Variants in COL6A2 observed in about 807,000 individuals in gnomAD.
COL6A2 encodes the protein collagen alpha-2(VI) chain.
Under a neutral mutation model 124.9 loss-of-function variants are expected in COL6A2, and 90 were observed. That is an observed-to-expected ratio of 0.72 (90% CI 0.61 to 0.86). COL6A2 has a LOEUF of 0.86. Among genes scored for constraint, COL6A2 ranks in the 40% least tolerant of loss-of-function variants. The probability of loss-of-function intolerance (pLI) is 0.00; values close to 1 mark genes in which losing one functional copy is unlikely to be tolerated. For missense variants in COL6A2, 1,607 were observed against 1,502.5 expected (o/e 1.07, Z -1.15); for synonymous variants, 793 against 618.2 (o/e 1.28, Z -4.19).
At position 46,112,319 on chromosome 21, in the gene COL6A2, C is replaced by T. The variant is rs2078413332; in HGVS notation, c.456C>T (p.Gly152=). 6.2e-7 allele frequency: 1 copy of T among 1,611,908 alleles called. No homozygotes were observed. Residue 152 remains glycine, a synonymous_variant, in exon 3 of 28, where the codon GGC becomes GGT. Coordinates refer to ENST00000300527, the MANE Select transcript of COL6A2 (RefSeq NM_001849.4). The part of the protein sequence containing the change: ...TEQIRQDRSK[G]TVHFAVVITD... ...AGATCCGGCAGGACCGCAGCAAGGG[C>T]ACCGTCCACTTCGCCGTGGTCATCA... is the stretch of plus-strand genomic sequence containing the variant.
chr21:46,121,595 G>C lies in COL6A2; in HGVS notation c.1498G>C (p.Asp500His), dbSNP rs770222615. 10 of 1,612,810 alleles carry C rather than the reference G, an allele frequency of 6.2e-6. No homozygotes were observed. In the Middle Eastern group the frequency reaches 5.0e-4, roughly 80 times the overall value. The change falls in exon 18 of 28, where the codon GAC becomes CAC. Residue 500 changes from aspartate (D) to histidine (H), a missense_variant. By Grantham distance (81) the Asp-to-His change is moderately conservative. This residue lies in a region of COL6A2 where 1,223 missense variants were observed against 1,052.2 expected (regional missense o/e 1.16). Coordinates refer to ENST00000300527, the MANE Select transcript of COL6A2 (RefSeq NM_001849.4). ...CCCCGGTGATGCAGGACCCCGTGGA[G>C]ACTCAGGACAGCCAGGCCCCAAGGT... The part of the protein sequence containing the change: ...GDPGDAGPRG[D>H]SGQPGPKGDP...
At chr21:46,110,613 C>T (rs142949480) in intron 1 of COL6A2, among the ~76,000 whole-genome samples, 37 of 152,286 alleles carry the variant, frequency 2.4e-4, no homozygotes, top group African/African-American at 7.0e-4. Context: ...CTCCTGGCAG[C>T]GCCTCCCCTA....
chr21:46,118,985 A>G (rs753401753), intron 13 of COL6A2, 45 bp from the exon 14 acceptor site: 1 of 1,443,684 alleles, frequency 6.9e-7, no homozygotes, highest in South Asian at 1.1e-5. Flanking sequence ...ACCATGCCTC[A>G]GGGCCCCTGC....
Position 46,125,494 on chromosome 21 carries a change from G to T in COL6A2, c.1846G>T (p.Val616Leu), listed in dbSNP as rs746193653. Residue 616 changes from valine to leucine, a missense_variant, in exon 25 of 28, where the codon GTG (valine) becomes TTG (leucine). Coordinates refer to ENST00000300527, the MANE Select transcript of COL6A2 (RefSeq NM_001849.4). The part of the protein sequence containing the change: ...DCEKRCGALD[V>L]VFVIDSSESI... The stretch of plus-strand genomic sequence containing the variant: ...TGAGAAGCGCTGTGGCGCCCTGGAC[G>T]TGGTCTTCGTCATCGACAGCTCCGA... 6.2e-7 allele frequency: 1 copy of T among 1,612,990 alleles called. No individual in the cohort carries two copies. The highest frequency in any genetic ancestry group is 1.1e-5 in the South Asian group (1 of 91,090).
intron 1 of COL6A2, among the ~76,000 whole-genome samples, chr21:46,110,170 C>A (rs2078379701): frequency 6.6e-6 from 1 of 152,326 alleles, no homozygotes; most frequent in South Asian, 2.1e-4. Context: ...CGGCCCGGCC[C>A]CATGGCAGCG....
At position 46,131,934 on chromosome 21, in the gene COL6A2, G is replaced by A. The variant is rs559932204; in HGVS notation, c.2462-20G>A. ...TGCCCACCTCCCCTCCGCCCAGCCC[G>A]CACCTGCGTCTCCCCACAGAGCTGT... On this transcript the variant is annotated intron_variant, in intron 27 of 27. Coordinates refer to ENST00000300527, the MANE Select transcript of COL6A2 (RefSeq NM_001849.4). 6.7e-5 allele frequency: 105 copies of A among 1,575,248 alleles called. No individual in the cohort carries two copies. The highest frequency in any genetic ancestry group is 2.3e-4 in the Admixed American group (13 of 55,576).
intron 16 of COL6A2, 40 bp downstream of exon 16, chr21:46,120,617 C>G (rs2078549419): frequency 7.0e-7 from 1 of 1,438,426 alleles, no homozygotes; most frequent in African/African-American, 1.4e-5. Flanking sequence ...GGTAGGGGAT[C>G]TGAGGGGGTG....
intron 18 of COL6A2, 38 bp from the exon 19 acceptor site, chr21:46,122,070 C>T (rs1211305740): frequency 6.2e-7 from 1 of 1,610,296 alleles, no homozygotes; most frequent in African/African-American, 1.3e-5. Context: ...CCCACCCCGT[C>T]CTATGACCAT....
At chr21:46,113,933 C>T (rs753656567) in intron 4 of COL6A2, 75 bp from the exon 5 acceptor site, 118 of 1,252,364 alleles carry the variant, frequency 9.4e-5, no homozygotes, top group Non-Finnish European at 1.3e-4. Flanking sequence ...GTGGGCTACA[C>T]GTTCTGAGAC....
rs2078569460 is a variant in COL6A2 at position 46,121,704 on chromosome 21, T to C, written c.1521+86T>C. On this transcript the variant is annotated intron_variant, in intron 18 of 27. Transcript: ENST00000300527. ...GACAGGGGGCCGGCCTGGGGGACCC[T>C]GTTGCCGGCAGACGTGCCTCAGGAC... The C allele has an allele frequency of 4.4e-6, 6 of 1,371,536 alleles. No homozygotes were observed. The Admixed American group carries it at 1.1e-4, about 24-fold the overall frequency. The allele number at this position is 1,371,536 out of a possible 1,614,324, so 85.0% of individuals were successfully genotyped here.
At chr21:46,117,703 C>G (rs2078494669) in intron 11 of COL6A2, among the ~76,000 whole-genome samples, 171 bp from the exon 12 acceptor site, 1 of 152,176 alleles carries the variant, frequency 6.6e-6, no homozygotes, top group Admixed American at 6.5e-5. Context: ...CTGGACAGCT[C>G]CATTTCCCTG....
Position 46,112,151 on chromosome 21 carries a change from C to G in COL6A2, c.288C>G (p.Tyr96Ter), listed in dbSNP as rs61735833. 6.2e-7 allele frequency: 1 copy of G among 1,613,072 alleles called. No homozygotes were observed. Among genetic ancestry groups the G allele is most frequent in the Non-Finnish European group, 8.5e-7 (1 of 1,180,028 alleles). ...YLDQVALSWRYGGLHFSDQVE... is the reference protein window; with the variant it reads ...YLDQVALSWR Reference sequence around the variant, plus strand: ...ACCAGGTGGCGCTGAGCTGGCGCTACGGCGGCCTGCACTTCTCTGACCAGG... The same window carrying G: ...ACCAGGTGGCGCTGAGCTGGCGCTAGGGCGGCCTGCACTTCTCTGACCAGG... Residue 96 changes from tyrosine to a stop codon, truncating the protein, a stop_gained, in exon 3 of 28, where the codon TAC becomes TAG. Coordinates refer to ENST00000300527, the MANE Select transcript of COL6A2 (RefSeq NM_001849.4). LOFTEE classifies it high-confidence loss of function.
In COL6A2 at chr21:46,120,569, G is replaced by A; in HGVS notation, c.1387G>A (p.Gly463Arg). The stretch of plus-strand genomic sequence containing the variant: ...CCTGGCTGGAGAGGTTGGCAACAAA[G>A]GAGCCAAGGTAGGGGAGCAGGGTGG... The part of the protein sequence containing the change: ...RGLAGEVGNK[G>R]AKGDRGLPGP... Residue 463 changes from glycine (G) to arginine (R), a missense_variant, in exon 16 of 28, where the codon GGA becomes AGA. Gly to Arg is a moderately radical substitution (Grantham distance 125). Coordinates refer to ENST00000300527, the MANE Select transcript of COL6A2 (RefSeq NM_001849.4). 6.8e-7 allele frequency: 1 copy of A among 1,466,930 alleles called. No individual in the cohort carries two copies. The highest frequency in any genetic ancestry group is 9.0e-7 in the Non-Finnish European group (1 of 1,109,702). The allele number at this position is 1,466,930 out of a possible 1,614,324, so 90.9% of individuals were successfully genotyped here.
At position 46,124,554 on chromosome 21, in the gene COL6A2, GGGA is replaced by G. The variant is rs1250759380; in HGVS notation, c.1672-93_1672-91del. Reference sequence around the variant, plus strand: ...ACCTGTTAGCCCCCCCCCCCGCCAAGGGAGGACCCGTGGTTGGGGACAGCACAG... The same window carrying G: ...ACCTGTTAGCCCCCCCCCCCGCCAAGGGACCCGTGGTTGGGGACAGCACAG... On this transcript the variant is annotated intron_variant, in intron 21 of 27. Coordinates refer to ENST00000300527, the MANE Select transcript of COL6A2 (RefSeq NM_001849.4). The G allele has an allele frequency of 1.8e-4, 205 of 1,129,170 alleles. 1 individual carries two copies. The African/African-American group carries it at 1.9e-3, about 10-fold the overall frequency. The allele number at this position is 1,129,170 out of a possible 1,614,324, so 69.9% of individuals were successfully genotyped here.
chr21:46,125,694 A>T, intron 25 of COL6A2, 77 bp downstream of exon 25: 1 of 1,590,796 alleles, frequency 6.3e-7, no homozygotes, highest in Non-Finnish European at 8.6e-7. Context: ...GGAGAAGTCC[A>T]GACGCGTCCC....
chr21:46,120,539 CGCGGCCTGGCTG>C lies in COL6A2; in HGVS notation c.1359_1370del (p.Gly454_Gly457del). On this transcript the variant is annotated inframe_deletion, in exon 16 of 28. Transcript: ENST00000300527. ...GGGGGACCCTGGCCCTGAGGGGCCCCGCGGCCTGGCTGGAGAGGTTGGCAACAAAGGAGCCAA... is the reference window on the plus strand; with the variant it reads ...GGGGGACCCTGGCCCTGAGGGGCCCCGAGAGGTTGGCAACAAAGGAGCCAA... 6.8e-7 allele frequency: 1 copy of C among 1,479,616 alleles called. No homozygotes were observed. Among genetic ancestry groups the C allele is most frequent in the Non-Finnish European group, 9.0e-7 (1 of 1,117,102 alleles). 91.7% of individuals were successfully genotyped at this position (1,479,616 alleles called of 1,614,324 possible). A position where few individuals can be genotyped will look rare whatever the true frequency, so the allele number is the denominator to read the frequency against.
intron 1 of COL6A2, among the ~76,000 whole-genome samples, chr21:46,109,907 C>T (rs2078376302): frequency 1.3e-5 from 2 of 152,220 alleles, no homozygotes; most frequent in Admixed American, 6.5e-5. Flanking sequence ...GGAGTGGGGG[C>T]TGGCTCCTGC....
In COL6A2 at chr21:46,117,310, G is replaced by A; in HGVS notation, c.1000-90G>A. ...GGAGGAGAGCGCTGCAGCCCTGCGG[G>A]GCAGAACCGGGTGGGCTGTGTCTTG... is the stretch of plus-strand genomic sequence containing the variant. On this transcript the variant is annotated intron_variant, in intron 10 of 27. Coordinates refer to ENST00000300527, the MANE Select transcript of COL6A2 (RefSeq NM_001849.4). 8 of 1,325,412 alleles carry A rather than the reference G, an allele frequency of 6.0e-6. No individual in the cohort carries two copies. The South Asian group carries it at 9.9e-5, about 16-fold the overall frequency. 82.1% of individuals were successfully genotyped at this position (1,325,412 alleles called of 1,614,324 possible).
Position 46,120,632 on chromosome 21 carries a change from G to A in COL6A2, c.1395+55G>A, listed in dbSNP as rs1317026038. 3 of 1,393,416 alleles carry A rather than the reference G, an allele frequency of 2.2e-6. No homozygotes were observed. In the East Asian group the frequency reaches 7.7e-5, roughly 36 times the overall value. 86.3% of individuals were successfully genotyped at this position (1,393,416 alleles called of 1,614,324 possible). A position where few individuals can be genotyped will look rare whatever the true frequency, so the allele number is the denominator to read the frequency against. On this transcript the variant is annotated intron_variant, in intron 16 of 27. Coordinates refer to ENST00000300527, the MANE Select transcript of COL6A2 (RefSeq NM_001849.4). ...GGTAGGGGATCTGAGGGGGTGCAGGGGGGCTGCACCCCAAGGTAGGGTGGC... is the reference window on the plus strand; with the variant it reads ...GGTAGGGGATCTGAGGGGGTGCAGGAGGGCTGCACCCCAAGGTAGGGTGGC...
Sources: gnomAD v4.1 joint callset for allele counts (sites outside exome capture counted in the v4.1 genomes callset) on GRCh38, gnomAD v4.1.1 for gene constraint, gnomAD v4.1.1 regional missense constraint, MANE v1.5 for transcripts, NCBI Gene and HGNC (gene_info 2026-07-23, HGNC 2026-07-21) for gene names.